NRAS: variants seen among roughly 807,000 people sequenced by gnomAD.
The protein encoded by NRAS is GTPase NRas.
NRAS carries 6 observed loss-of-function variants against 21.3 expected under a neutral mutation model. The observed-to-expected ratio is 0.28, with a 90% CI of 0.15 to 0.56. The LOEUF is 0.56. Ranked by LOEUF, NRAS falls within the 20% of genes least tolerant of loss-of-function variation. The pLI, the probability that NRAS is intolerant of heterozygous loss-of-function variation, is 0.93. For missense variants in NRAS, 143 were observed against 231.3 expected, an observed-to-expected ratio of 0.62 and a Z score of 2.48; for synonymous variants, 84 against 82.0, an observed-to-expected ratio of 1.02 and a Z score of -0.13.
At chr1:114,711,938 ATC>A (rs1659054968) in intron 3 of NRAS, among the ~76,000 whole-genome samples, 1 of 152,240 alleles carries the variant, frequency 6.6e-6, no homozygotes, top group Admixed American at 6.5e-5. Context: ...ATTTTATTTA[ATC>A]TTAATTAACT....
At chr1:114,711,587 C>A in intron 3 of NRAS, among the ~76,000 whole-genome samples, 1 of 132,104 alleles carries the variant, frequency 7.6e-6, no homozygotes. Flanking sequence ...CTTGGGCAAC[C>A]AGAGCAAAAC....
At chr1:114,714,554 G>A (rs776138465) in intron 2 of NRAS, among the ~76,000 whole-genome samples, 15 of 152,000 alleles carry the variant, frequency 9.9e-5, no homozygotes, top group South Asian at 6.2e-4. Context: ...TAATTTCTCA[G>A]GAAGACAAAC....
At chr1:114,710,254 T>C (rs1398988459) in intron 3 of NRAS, among the ~76,000 whole-genome samples, 1 of 80,226 alleles carries the variant, frequency 1.2e-5, no homozygotes, top group Non-Finnish European at 2.2e-5. Context: ...ATATATATTA[T>C]ATATAAATAT....
chr1:114,716,123 C>A lies in NRAS; in HGVS notation c.38G>T (p.Gly13Val), dbSNP rs121434596. The A allele has an allele frequency of 6.2e-7, 1 of 1,614,026 alleles. No individual in the cohort carries two copies. The highest frequency in any genetic ancestry group is 8.5e-7 in the Non-Finnish European group (1 of 1,179,892). Residue 13 changes from glycine to valine, a missense_variant, in exon 2 of 7, where the codon GGT becomes GTT. Transcript: ENST00000369535. ...EYKLVVVGAG[G>V]VGKSALTIQL... ...GATTGTCAGTGCGCTTTTCCCAACA[C>A]CACCTGCTCCAACCACCACCAGTTT...
chr1:114,707,185 G>A lies in NRAS; in HGVS notation c.*909C>T, dbSNP rs1382978107. 6.6e-6 allele frequency: 1 copy of A among 152,570 alleles called. No individual in the cohort carries two copies. Among genetic ancestry groups the A allele is most frequent in the South Asian group, 2.1e-4 (1 of 4,838 alleles). The allele number at this position is 152,570 out of a possible 1,614,324, so 9.5% of individuals were successfully genotyped here. A position where few individuals can be genotyped will look rare whatever the true frequency, so the allele number is the denominator to read the frequency against. On this transcript the variant is annotated 3_prime_UTR_variant, in exon 7 of 7. Coordinates refer to ENST00000369535, the MANE Select transcript of NRAS (RefSeq NM_002524.5). ...ATAGGTAGTAACCTATGAAAAAAGT[G>A]GAGATTAGGTAAAAATTATTAAGTG...
At chr1:114,711,361 G>A (rs1032619155) in intron 3 of NRAS, among the ~76,000 whole-genome samples, 11 of 152,036 alleles carry the variant, frequency 7.2e-5, no homozygotes, top group Admixed American at 3.9e-4. Context: ...CCTCTGGGAG[G>A]CCGAGGCGGG....
At chr1:114,713,258 C>T (rs545688714) in intron 3 of NRAS, among the ~76,000 whole-genome samples, 88 of 152,202 alleles carry the variant, frequency 5.8e-4, no homozygotes, top group Non-Finnish European at 9.7e-4. Flanking sequence ...GAGCATGCCT[C>T]GACCTCCTGA....
chr1:114,714,904 AGAG>A (rs1166681494), intron 2 of NRAS, among the ~76,000 whole-genome samples: 1 of 152,268 alleles, frequency 6.6e-6, no homozygotes, highest in East Asian at 1.9e-4. Flanking sequence ...TGGCTACATT[AGAG>A]TTAGTTTTCA....
At chr1:114,715,959 C>G in intron 2 of NRAS, 91 bp downstream of exon 2, 1 of 853,192 alleles carries the variant, frequency 1.2e-6, no homozygotes, top group Admixed American at 1.8e-5. Flanking sequence ...TTTACTTTCT[C>G]TCCTCTTATT....
chr1:114,708,606 G>A lies in NRAS; in HGVS notation c.499C>T (p.Arg167Ter), dbSNP rs1658970955. 1.2e-6 allele frequency: 2 copies of A among 1,612,200 alleles called. No individual in the cohort carries two copies. The highest frequency in any genetic ancestry group is 1.7e-6 in the Non-Finnish European group (2 of 1,178,376). ...YTLVREIRQYRMKKLNSSDDG... is the reference protein window; with the variant it reads ...YTLVREIRQY ...TCACTGCTGTTGAGTTTTTTCATTCGGTACTGGCGTATTTCTCTTACCAGT... is the reference window on the plus strand; with the variant it reads ...TCACTGCTGTTGAGTTTTTTCATTCAGTACTGGCGTATTTCTCTTACCAGT... The change falls in exon 5 of 7, where the codon CGA becomes TGA. Residue 167 changes from arginine (R) to a stop codon, truncating the protein, a stop_gained. Coordinates refer to ENST00000369535, the MANE Select transcript of NRAS (RefSeq NM_002524.5). LOFTEE classifies it high-confidence loss of function.
At chr1:114,716,202 T>A (rs776981949) in intron 1 of NRAS, 25 bp from the exon 2 acceptor site, 3 of 1,337,166 alleles carry the variant, frequency 2.2e-6, no homozygotes, top group East Asian at 2.3e-5. Flanking sequence ...TAATCAGGGT[T>A]AATTGGCGAG....
Position 114,704,910 on chromosome 1 carries a change from TG to T in NRAS, c.*3183del, listed in dbSNP as rs1658876533. On this transcript the variant is annotated 3_prime_UTR_variant, in exon 7 of 7. Coordinates refer to ENST00000369535, the MANE Select transcript of NRAS (RefSeq NM_002524.5). ...AGACTGCTCAAAGAAACAGCAAAGA[TG>T]AAAAATAATGTACAAGAATTATAGT... The T allele has an allele frequency of 6.6e-6, 1 of 152,216 alleles. No homozygotes were observed. The highest frequency in any genetic ancestry group is 2.4e-5 in the African/African-American group (1 of 41,454). 9.4% of individuals were successfully genotyped at this position (152,216 alleles called of 1,614,324 possible).
At chr1:114,712,754 C>T (rs371267233) in intron 3 of NRAS, among the ~76,000 whole-genome samples, 6 of 152,270 alleles carry the variant, frequency 3.9e-5, no homozygotes, top group Non-Finnish European at 4.4e-5. Flanking sequence ...GAGTGATTTG[C>T]GTATTTATTA....
At position 114,716,031 on chromosome 1, in the gene NRAS, G is replaced by A. The variant is rs751392261; in HGVS notation, c.111+19C>T. 7.2e-7 allele frequency: 1 copy of A among 1,393,538 alleles called. No homozygotes were observed. The highest frequency in any genetic ancestry group is 1.4e-5 in the African/African-American group (1 of 70,730). 86.3% of individuals were successfully genotyped at this position (1,393,538 alleles called of 1,614,324 possible). ...AGTGAGAGACAGGATCAGGTCAGCG[G>A]GCTACCACTGGGCCTCACCTCTATG... On this transcript the variant is annotated intron_variant, in intron 2 of 6. Coordinates refer to ENST00000369535, the MANE Select transcript of NRAS (RefSeq NM_002524.5).
At chr1:114,709,523 T>A (rs1658994330) in intron 4 of NRAS, 46 bp downstream of exon 4, 3 of 1,482,726 alleles carry the variant, frequency 2.0e-6, no homozygotes, top group Non-Finnish European at 2.8e-6. Context: ...CCAGAGTTAA[T>A]CAACTGATGC....
At chr1:114,711,525 C>T (rs1047221559) in intron 3 of NRAS, among the ~76,000 whole-genome samples, 43 of 151,164 alleles carry the variant, frequency 2.8e-4, no homozygotes, top group Non-Finnish European at 5.3e-4. Context: ...CTCTCGAACC[C>T]GGGAGGCGGA....
intron 3 of NRAS, among the ~76,000 whole-genome samples, chr1:114,710,792 T>G (rs1299022783): frequency 3.9e-5 from 6 of 152,152 alleles, no homozygotes; most frequent in Admixed American, 3.9e-4. Context: ...TGGGAGTGGA[T>G]GGGTATTTTA....
chr1:114,712,951 G>A (rs1659077839), intron 3 of NRAS, among the ~76,000 whole-genome samples: 1 of 152,062 alleles, frequency 6.6e-6, no homozygotes, highest in Non-Finnish European at 1.5e-5. Context: ...AGGAGCTTTG[G>A]GTTTTTGGTC....
At chr1:114,716,249 T>C (rs1659163113) in intron 1 of NRAS, 72 bp from the exon 2 acceptor site, 2 of 911,044 alleles carry the variant, frequency 2.2e-6, no homozygotes, top group Admixed American at 1.7e-5. Flanking sequence ...CTATAATCAA[T>C]GGAAATGAAA....
Sources: gnomAD v4.1 joint callset for allele counts (sites outside exome capture counted in the v4.1 genomes callset) on GRCh38, gnomAD v4.1.1 for gene constraint, MANE v1.5 for transcripts, NCBI Gene and HGNC (gene_info 2026-07-23, HGNC 2026-07-21) for gene names.